Variants in GFPT2 observed in about 807,000 individuals in gnomAD.
The protein encoded by GFPT2 is glutamine--fructose-6-phosphate transaminase 2, also known as glutamine--fructose-6-phosphate aminotransferase [isomerizing] 2.
Under a neutral mutation model 85.6 loss-of-function variants are expected in GFPT2, and 62 were observed. That is an observed-to-expected ratio of 0.72 (90% CI 0.59 to 0.90). GFPT2 has a LOEUF of 0.90. Ranked by LOEUF, GFPT2 falls within the 40% of genes least tolerant of loss-of-function variation. The pLI is 0.00. For synonymous variants in GFPT2, 368 were observed against 344.5 expected (o/e 1.07, Z -0.75); for missense variants, 788 against 893.4 (o/e 0.88, Z 1.50).
chr5:180,333,192 C>T (rs1018989271), intron 4 of GFPT2, among the ~76,000 whole-genome samples: 1 of 152,068 alleles, frequency 6.6e-6, no homozygotes, highest in Non-Finnish European at 1.5e-5. Context: ...ACGTCCATCC[C>T]CTTCTCCATT....
chr5:180,325,853 T>C (rs1764202846), intron 7 of GFPT2, among the ~76,000 whole-genome samples: 2 of 152,118 alleles, frequency 1.3e-5, no homozygotes, highest in Non-Finnish European at 1.5e-5. Flanking sequence ...GGCGGAACCC[T>C]GTCTCTACTA....
At chr5:180,348,855 C>T (rs995897135) in intron 1 of GFPT2, among the ~76,000 whole-genome samples, 2 of 151,602 alleles carry the variant, frequency 1.3e-5, no homozygotes, top group Non-Finnish European at 2.9e-5. Context: ...AATTCTCCTG[C>T]CTCTCCTTCC....
chr5:180,332,284 T>C (rs1362558877), intron 4 of GFPT2, among the ~76,000 whole-genome samples: 1 of 152,044 alleles, frequency 6.6e-6, no homozygotes, highest in Non-Finnish European at 1.5e-5. Context: ...CGGTGAGGGA[T>C]GTCTGCCTCC....
At chr5:180,332,244 G>A (rs916117808) in intron 4 of GFPT2, among the ~76,000 whole-genome samples, 5 of 149,058 alleles carry the variant, frequency 3.4e-5, no homozygotes, top group Admixed American at 2.0e-4. Context: ...GTGGCGGGGG[G>A]GCGGGGGGAG....
intron 15 of GFPT2, among the ~76,000 whole-genome samples, chr5:180,310,788 G>A (rs1763864949): frequency 6.9e-6 from 1 of 144,028 alleles, no homozygotes; most frequent in Non-Finnish European, 1.5e-5. Context: ...AGTGTGCTGG[G>A]TGCCGGGCAC....
Position 180,324,274 on chromosome 5 carries a change from CT to C in GFPT2, c.707del (p.Lys236ArgfsTer4). On this transcript the variant is annotated frameshift_variant, in exon 9 of 19. Coordinates refer to ENST00000253778, the MANE Select transcript of GFPT2 (RefSeq NM_005110.4). LOFTEE classifies it high-confidence loss of function. ...CTLENVKNIC[K>X]TRMKRLDSSA... is the part of the protein sequence containing the mutation. ...AGCTGTCCAGCCTCTTCATCCGTGT[CT>C]TACAGATATTCTTCACATTCTCCAG... The C allele has an allele frequency of 6.2e-7, 1 of 1,609,488 alleles. No homozygotes were observed. The highest frequency in any genetic ancestry group is 8.5e-7 in the Non-Finnish European group (1 of 1,176,688).
intron 15 of GFPT2, among the ~76,000 whole-genome samples, 192 bp downstream of exon 15, chr5:180,312,238 C>T (rs578185889): frequency 8.0e-5 from 11 of 136,916 alleles, no homozygotes; most frequent in African/African-American, 2.4e-4. Context: ...AGCGCGGCAG[C>T]GCAGGGGGAG....
At chr5:180,336,138 T>A (rs1305686495) in intron 3 of GFPT2, 185 bp from the exon 4 acceptor site, 2 of 586,208 alleles carry the variant, frequency 3.4e-6, no homozygotes, top group Non-Finnish European at 6.0e-6. Context: ...TTACTACTTG[T>A]CTGTAGCTTA....
intron 1 of GFPT2, among the ~76,000 whole-genome samples, chr5:180,351,102 A>G (rs1439419321): frequency 1.3e-5 from 2 of 152,224 alleles, no homozygotes; most frequent in Non-Finnish European, 2.9e-5. Flanking sequence ...GCAGAATTTG[A>G]TTAAATTTTC....
chr5:180,332,477 C>G (rs73349699), intron 4 of GFPT2, among the ~76,000 whole-genome samples: 1 of 152,112 alleles, frequency 6.6e-6, no homozygotes, highest in Admixed American at 6.5e-5. Flanking sequence ...ATGTGGGATA[C>G]GCTTCATAAA....
At position 180,330,948 on chromosome 5, in the gene GFPT2, G is replaced by C; in HGVS notation, c.400-114C>G. The C allele has an allele frequency of 1.1e-6, 1 of 916,938 alleles. No individual in the cohort carries two copies. Among genetic ancestry groups the C allele is most frequent in the Non-Finnish European group, 1.6e-6 (1 of 609,106 alleles). The allele number at this position is 916,938 out of a possible 1,614,324, so 56.8% of individuals were successfully genotyped here. On this transcript the variant is annotated intron_variant, in intron 5 of 18. Transcript: ENST00000253778. This position sits in a 1 kb window ranked among gnomAD's most constrained non-coding sequence, Gnocchi z 4.4. ...TTGGAGTGACTTAAGTCAAGAACAG[G>C]GAAAACCGGGAAGGGGGGAAAAATG...
intron 2 of GFPT2, among the ~76,000 whole-genome samples, 167 bp from the exon 3 acceptor site, chr5:180,336,744 G>A (rs1268411037): frequency 1.3e-5 from 2 of 152,354 alleles, no homozygotes; most frequent in East Asian, 1.9e-4. Context: ...CTGTGACTGC[G>A]GCCAGGCTTA....
At chr5:180,345,996 A>G (rs1219762406) in intron 1 of GFPT2, among the ~76,000 whole-genome samples, 3 of 151,792 alleles carry the variant, frequency 2.0e-5, no homozygotes, top group African/African-American at 2.4e-5. Flanking sequence ...GGCCCCATGC[A>G]CCATGAGGAT....
rs1581382198 is a variant in GFPT2 at position 180,330,364 on chromosome 5, A to G, written c.534+336T>C. On this transcript the variant is annotated intron_variant, in intron 6 of 18. Transcript: ENST00000253778. This position sits in a 1 kb window ranked among gnomAD's most constrained non-coding sequence, Gnocchi z 4.4. ...AAACACATCCTCGCTTGGTACCACA[A>G]CTCTCTCTGCACACCACCACCAAGC... is the stretch of plus-strand genomic sequence containing the variant. Among the ~76,000 whole-genome samples the G allele has an allele frequency of 6.6e-6, 1 of 151,966 alleles. No homozygotes were observed.
intron 1 of GFPT2, among the ~76,000 whole-genome samples, chr5:180,344,618 G>A (rs1383639467): frequency 1.3e-5 from 2 of 152,226 alleles, no homozygotes; most frequent in Admixed American, 6.5e-5. Flanking sequence ...CTGGGTACAG[G>A]AGGAGTGACC....
chr5:180,316,410 C>T lies in GFPT2; in HGVS notation c.1204G>A (p.Ala402Thr), dbSNP rs1764010825. 6.2e-7 allele frequency: 1 copy of T among 1,613,888 alleles called. No individual in the cohort carries two copies. Among genetic ancestry groups the T allele is most frequent in the Non-Finnish European group, 8.5e-7 (1 of 1,179,860 alleles). The change falls in exon 13 of 19, where the codon GCT (alanine) becomes ACT (threonine). Residue 402 changes from alanine to threonine, a missense_variant. Ala to Thr is a moderately conservative substitution (Grantham distance 58). Coordinates refer to ENST00000253778, the MANE Select transcript of GFPT2 (RefSeq NM_005110.4). Reference sequence around the variant, plus strand: ...GTGTTCCTGTCCAGAAAATCACTAGCAAGTTCAACCATCACAGGAAGCTCA... The same window carrying T: ...GTGTTCCTGTCCAGAAAATCACTAGTAAGTTCAACCATCACAGGAAGCTCA... ...LTELPVMVEL[A>T]SDFLDRNTPV...
chr5:180,321,930 T>C (rs931044356), intron 9 of GFPT2, among the ~76,000 whole-genome samples: 14 of 151,156 alleles, frequency 9.3e-5, no homozygotes, highest in African/African-American at 2.4e-4. Context: ...ACTACAGGCC[T>C]CCGCCACCAC....
chr5:180,326,982 T>C (rs542895846), intron 7 of GFPT2, among the ~76,000 whole-genome samples: 1 of 152,350 alleles, frequency 6.6e-6, no homozygotes, highest in South Asian at 2.1e-4. Context: ...AACCAACTGG[T>C]ATTTTATAAT....
At position 180,327,240 on chromosome 5, in the gene GFPT2, C is replaced by T. The variant is rs183317638; in HGVS notation, c.596+1037G>A. 2.0e-4 allele frequency among the ~76,000 whole-genome samples: 31 copies of T among 152,298 alleles called. 1 individual carries two copies. The highest frequency in any genetic ancestry group is 7.2e-4 in the African/African-American group (30 of 41,560). ...ATTTAGAGCCGGCCTCTGTCCGCCT[C>T]TCCACTCCCCACAGCCTTTGAGGCC... is the stretch of plus-strand genomic sequence containing the variant. On this transcript the variant is annotated intron_variant, in intron 7 of 18. Coordinates refer to ENST00000253778, the MANE Select transcript of GFPT2 (RefSeq NM_005110.4).
Sources: gnomAD v4.1 joint callset for allele counts (sites outside exome capture counted in the v4.1 genomes callset) on GRCh38, gnomAD v4.1.1 for gene constraint, Gnocchi (gnomAD v3.1) non-coding constraint, MANE v1.5 for transcripts, NCBI Gene and HGNC (gene_info 2026-07-23, HGNC 2026-07-21) for gene names.